Variants in DNAH1 observed in about 807,000 individuals in gnomAD.
The protein encoded by DNAH1 is axonemal beta dynein heavy chain 1.
In DNAH1, 327 loss-of-function variants were observed where a neutral mutation model predicts 484.3. The ratio of observed to expected loss-of-function variants is 0.68; its 90% CI spans 0.62 to 0.74. The LOEUF is 0.74. Ranked by LOEUF, DNAH1 falls within the 30% of genes least tolerant of loss-of-function variation. DNAH1 has a pLI of 0.00. For synonymous variants in DNAH1, 2,192 were observed against 2,191.9 expected, an observed-to-expected ratio of 1.00 and a Z score of 0.00; for missense variants, 5,052 against 5,546.8, an observed-to-expected ratio of 0.91 and a Z score of 2.83.
chr3:52,319,083 G>A (rs939356852), intron 1 of DNAH1, among the ~76,000 whole-genome samples: 36 of 152,196 alleles, frequency 2.4e-4, no homozygotes, highest in African/African-American at 8.2e-4. Flanking sequence ...TTCCATTCTG[G>A]TTCTGCCAAG....
At chr3:52,337,661 T>G (rs1701783569) in intron 8 of DNAH1, among the ~76,000 whole-genome samples, 1 of 152,238 alleles carries the variant, frequency 6.6e-6, no homozygotes, top group African/African-American at 2.4e-5. Flanking sequence ...TTCTTAGTTC[T>G]TCTATTTTAA....
chr3:52,349,391 G>T lies in DNAH1; in HGVS notation c.2497G>T (p.Ala833Ser). The T allele has an allele frequency of 1.2e-6, 2 of 1,613,930 alleles. No homozygotes were observed. Among genetic ancestry groups the T allele is most frequent in the East Asian group, 2.2e-5 (1 of 44,886 alleles). The change falls in exon 14 of 78, where the codon GCC becomes TCC. Residue 833 changes from alanine to serine, a missense_variant. Transcript: ENST00000420323. ...ALATSVLDIL[A>S]KNLHKEVDSI... ...GGCCACTTCCGTGCTGGACATCCTT[G>T]CCAAGAACCTGCATAAGGAGGTGGA...
At position 52,358,857 on chromosome 3, in the gene DNAH1, A is replaced by AG; in HGVS notation, c.4266+122dup. ...GCAGCCCTGAGGTCCCTGGGGGCTC[A>AG]GGCGGGATTCTGGAGTCTTTCCTTT... On this transcript the variant is annotated intron_variant, in intron 25 of 77. Coordinates refer to ENST00000420323, the MANE Select transcript of DNAH1 (RefSeq NM_015512.5). The surrounding 1 kb of genome is among the most constrained non-coding windows in gnomAD (Gnocchi z 4.2). The AG allele has an allele frequency of 8.2e-7, 1 of 1,220,488 alleles. No homozygotes were observed. Among genetic ancestry groups the AG allele is most frequent in the Non-Finnish European group, 1.1e-6 (1 of 873,446 alleles). 75.6% of individuals were successfully genotyped at this position (1,220,488 alleles called of 1,614,324 possible).
intron 46 of DNAH1, 138 bp downstream of exon 46, chr3:52,376,131 G>C: frequency 9.2e-7 from 1 of 1,089,054 alleles, no homozygotes; most frequent in Non-Finnish European, 1.3e-6. Flanking sequence ...CCACTAGGGT[G>C]CCAGAGCGAA....
chr3:52,369,754 A>G, intron 37 of DNAH1, 71 bp from the exon 38 acceptor site: 1 of 1,504,378 alleles, frequency 6.6e-7, no homozygotes, highest in Non-Finnish European at 9.0e-7. Context: ...CCCTCCCCGC[A>G]GCCCTGCAGC....
At chr3:52,375,658 A>G (rs1399549960) in intron 45 of DNAH1, among the ~76,000 whole-genome samples, 1 of 152,230 alleles carries the variant, frequency 6.6e-6, no homozygotes, top group African/African-American at 2.4e-5. Context: ...TAGAGCACCT[A>G]GCATGAAGCC....
intron 3 of DNAH1, among the ~76,000 whole-genome samples, chr3:52,325,009 G>C (rs1701285994): frequency 6.6e-6 from 1 of 152,146 alleles, no homozygotes; most frequent in East Asian, 1.9e-4. Flanking sequence ...CTCCTTCTTG[G>C]CCACTGAGTG....
At chr3:52,348,540 G>A (rs1330868410) in intron 12 of DNAH1, among the ~76,000 whole-genome samples, 1 of 152,162 alleles carries the variant, frequency 6.6e-6, no homozygotes, top group African/African-American at 2.4e-5. Context: ...AGCCCTTCTT[G>A]TCGCCTTTGC....
At chr3:52,389,769 G>A (rs1037467589) in intron 60 of DNAH1, among the ~76,000 whole-genome samples, 183 bp downstream of exon 60, 3 of 152,230 alleles carry the variant, frequency 2.0e-5, no homozygotes, top group Non-Finnish European at 4.4e-5. Flanking sequence ...TGGGCTGAGT[G>A]TGGCACAGAT....
chr3:52,317,270 C>A lies in DNAH1; in HGVS notation c.-35+725C>A, dbSNP rs1218198797. 2.6e-5 allele frequency among the ~76,000 whole-genome samples: 4 copies of A among 152,230 alleles called. No homozygotes were observed. The East Asian group carries it at 7.7e-4, about 29-fold the overall frequency. ...CAGAATAGGGCAGGAAGATCAAAAC[C>A]TGAACCCATGCCAGGTGCTGAGAGC... On this transcript the variant is annotated intron_variant, in intron 1 of 77. Coordinates refer to ENST00000420323, the MANE Select transcript of DNAH1 (RefSeq NM_015512.5).
chr3:52,348,557 G>A (rs1005409192), intron 12 of DNAH1, among the ~76,000 whole-genome samples: 6 of 152,234 alleles, frequency 3.9e-5, no homozygotes, highest in African/African-American at 1.2e-4. Flanking sequence ...TTGCTGGTCA[G>A]TTAGAGCCTT....
rs1415777243 is a variant in DNAH1 at position 52,372,369 on chromosome 3, A to T, written c.6809A>T (p.Asp2270Val). The T allele has an allele frequency of 1.2e-6, 2 of 1,613,838 alleles. No homozygotes were observed. Among genetic ancestry groups the T allele is most frequent in the South Asian group, 1.1e-5 (1 of 91,072 alleles). Residue 2270 changes from aspartate to valine, a missense_variant, in exon 43 of 78, where the codon GAC becomes GTC. Around this residue, in one of 4 missense-constraint regions of DNAH1, gnomAD observed 2,929 missense variants for 3,409.4 expected, o/e 0.86. Transcript: ENST00000420323. ...TSANQTQDFI[D>V]SKLDKRRKGV... ...GCCAACCAGACCCAGGACTTCATTGACAGCAAGCTGGACAAGAGGCAGGGC... is the reference window on the plus strand; with the variant it reads ...GCCAACCAGACCCAGGACTTCATTGTCAGCAAGCTGGACAAGAGGCAGGGC...
rs780533738 is a variant in DNAH1, at chr3:52,372,336, G to A, written c.6776G>A (p.Arg2259His). Reference sequence around the variant, plus strand: ...AGCCACTTCCTCACCTTCTCAGCCCGCACTTCAGCCAACCAGACCCAGGAC... The same window carrying A: ...AGCCACTTCCTCACCTTCTCAGCCCACACTTCAGCCAACCAGACCCAGGAC... Reference protein sequence around the residue: ...YISHFLTFSARTSANQTQDFI... With the variant: ...YISHFLTFSAHTSANQTQDFI... The change falls in exon 43 of 78, where the codon CGC (arginine) becomes CAC (histidine). Residue 2259 changes from arginine (R) to histidine (H), a missense_variant. Transcript: ENST00000420323. The A allele has an allele frequency of 1.4e-5, 23 of 1,613,818 alleles. No homozygotes were observed. The highest frequency in any genetic ancestry group is 6.7e-5 in the African/African-American group (5 of 74,898).
chr3:52,346,580 G>C lies in DNAH1; in HGVS notation c.1765G>C (p.Glu589Gln). ...GWYNLYETNW[E>Q]VYLMSKLRKL... is the part of the protein sequence containing the mutation. The stretch of plus-strand genomic sequence containing the variant: ...GTACAACCTCTACGAGACCAACTGG[G>C]AGGTGTACCTCATGTCCAAGCTGCG... The change falls in exon 11 of 78, where the codon GAG becomes CAG. Residue 589 changes from glutamate (E) to glutamine (Q), a missense_variant. Physicochemically the swap from Glu to Gln is conservative, Grantham distance 29. Transcript: ENST00000420323. The C allele has an allele frequency of 6.2e-7, 1 of 1,614,056 alleles. No homozygotes were observed. The highest frequency in any genetic ancestry group is 8.5e-7 in the Non-Finnish European group (1 of 1,179,894).
chr3:52,349,937 G>A, intron 14 of DNAH1, 52 bp from the exon 15 acceptor site: 1 of 1,553,812 alleles, frequency 6.4e-7, no homozygotes, highest in Non-Finnish European at 8.7e-7. Context: ...GCAGGTGAGG[G>A]AAGGCAAGGG....
chr3:52,384,641 G>A (rs140005015), intron 52 of DNAH1, 145 bp from the exon 53 acceptor site: 36 of 806,152 alleles, frequency 4.5e-5, no homozygotes, highest in South Asian at 6.1e-5. Context: ...CCTGGAGGTC[G>A]TGAGGCTCAT....
At chr3:52,394,829 C>A in intron 67 of DNAH1, 86 bp from the exon 68 acceptor site, 1 of 1,545,766 alleles carries the variant, frequency 6.5e-7, no homozygotes, top group South Asian at 1.2e-5. Context: ...CCCACTCTCC[C>A]CAGCTGTCCG....
intron 38 of DNAH1, 22 bp downstream of exon 38, chr3:52,370,041 T>A: frequency 6.2e-7 from 1 of 1,613,356 alleles, no homozygotes; most frequent in Non-Finnish European, 8.5e-7. Flanking sequence ...CACGGGTATG[T>A]CTGACCCTGG....
chr3:52,390,033 T>C (rs183329039), intron 60 of DNAH1, among the ~76,000 whole-genome samples: 5 of 152,102 alleles, frequency 3.3e-5, no homozygotes, highest in Non-Finnish European at 5.9e-5. Context: ...GGCAGGAGAA[T>C]TGGCTTGAAC....
Sources: gnomAD v4.1 joint callset for allele counts (sites outside exome capture counted in the v4.1 genomes callset) on GRCh38, gnomAD v4.1.1 for gene constraint, gnomAD v4.1.1 regional missense constraint, Gnocchi (gnomAD v3.1) non-coding constraint, MANE v1.5 for transcripts, NCBI Gene and HGNC (gene_info 2026-07-23, HGNC 2026-07-21) for gene names.